The following MTRF1 variants were observed in gnomAD, a reference collection of about 807,000 sequenced individuals.
MTRF1 encodes the protein peptide chain release factor 1, mitochondrial.
A neutral mutation model predicts 62.9 loss-of-function variants in MTRF1; 51 were observed. The ratio of observed to expected loss-of-function variants is 0.81; its 90% CI spans 0.65 to 1.02. MTRF1 has a LOEUF of 1.02. MTRF1 is among the 50% of genes least tolerant of loss of function. The pLI is 0.00. For synonymous variants in MTRF1, 158 were observed against 181.9 expected (o/e 0.87, Z 1.06); for missense variants, 446 against 530.0 (o/e 0.84, Z 1.56).
chr13:41,218,311 G>A lies in MTRF1; in HGVS notation c.1225-1083C>T, dbSNP rs982338887. 5.3e-3 allele frequency among the ~76,000 whole-genome samples: 334 copies of A among 62,906 alleles called. 5 individuals carry two copies. Among genetic ancestry groups the A allele is most frequent in the Non-Finnish European group, 2.5e-3 (76 of 30,758 alleles). The allele number at this position is 62,906 out of a possible 152,430, so 41.3% of individuals were successfully genotyped here. A position where few individuals can be genotyped will look rare whatever the true frequency, so the allele number is the denominator to read the frequency against. On this transcript the variant is annotated intron_variant, in intron 9 of 9. Coordinates refer to ENST00000379480, the MANE Select transcript of MTRF1 (RefSeq NM_004294.4). Reference sequence around the variant, plus strand: ...TTTTTTTTTTTTTTTTTTTTTTTTTGTAGAGATAGGATTTTGCCATGCTGC... The same window carrying A: ...TTTTTTTTTTTTTTTTTTTTTTTTTATAGAGATAGGATTTTGCCATGCTGC...
At position 41,226,322 on chromosome 13, in the gene MTRF1, T is replaced by A. The variant is rs897768074; in HGVS notation, c.1125+110A>T. ...CTGCTTATTTACAAAGGAGCACATT[T>A]CTCTATGCTCTAAAACATTCCCATT... On this transcript the variant is annotated intron_variant, in intron 8 of 9. Transcript: ENST00000379480. The A allele has an allele frequency of 7.1e-6, 8 of 1,129,408 alleles. No homozygotes were observed. The African/African-American group carries it at 1.2e-4, about 18-fold the overall frequency. 70.0% of individuals were successfully genotyped at this position (1,129,408 alleles called of 1,614,324 possible). A position where few individuals can be genotyped will look rare whatever the true frequency, so the allele number is the denominator to read the frequency against.
intron 2 of MTRF1, among the ~76,000 whole-genome samples, chr13:41,258,193 A>C (rs1594039032): frequency 6.6e-6 from 1 of 152,224 alleles, no homozygotes; most frequent in East Asian, 1.9e-4. Context: ...CATCAATAGA[A>C]GGCAGAAAAA....
At chr13:41,261,168 T>C (rs1240756491) in intron 1 of MTRF1, among the ~76,000 whole-genome samples, 1 of 152,106 alleles carries the variant, frequency 6.6e-6, no homozygotes, top group African/African-American at 2.4e-5. Flanking sequence ...ACACTGTCTC[T>C]ACTAAAAATA....
chr13:41,244,692 G>A (rs1187508612), intron 5 of MTRF1, among the ~76,000 whole-genome samples: 1 of 152,168 alleles, frequency 6.6e-6, no homozygotes, highest in Non-Finnish European at 1.5e-5. Context: ...GCTATGTTGG[G>A]AATAGCCCTG....
chr13:41,296,076 T>C, the MTRF1 span, among the ~76,000 whole-genome samples: 5 of 152,304 alleles, frequency 3.3e-5, no homozygotes, highest in Admixed American at 2.0e-4. Flanking sequence ...CCTGAGTAGC[T>C]AGGACTACAG....
intron 8 of MTRF1, among the ~76,000 whole-genome samples, chr13:41,225,489 A>T (rs2034235472): frequency 6.6e-6 from 1 of 152,208 alleles, no homozygotes; most frequent in Non-Finnish European, 1.5e-5. Flanking sequence ...AATATTATTT[A>T]TCCTGTCACT....
At chr13:41,271,379 A>G in the MTRF1 span, among the ~76,000 whole-genome samples, 1 of 152,160 alleles carries the variant, frequency 6.6e-6, no homozygotes, top group Non-Finnish European at 1.5e-5. Flanking sequence ...AGAATGCTCA[A>G]AAGGGGGTCA....
At chr13:41,301,523 G>A in the MTRF1 span, among the ~76,000 whole-genome samples, 14 of 152,122 alleles carry the variant, frequency 9.2e-5, no homozygotes, top group Non-Finnish European at 1.8e-4. Flanking sequence ...TGAGGTGGAC[G>A]GATCACCTGA....
At chr13:41,273,538 GA>G in the MTRF1 span, among the ~76,000 whole-genome samples, 1 of 152,110 alleles carries the variant, frequency 6.6e-6, no homozygotes, top group African/African-American at 2.4e-5. Flanking sequence ...ATGTTTTAGG[GA>G]GACATGAGAC....
the MTRF1 span, among the ~76,000 whole-genome samples, chr13:41,301,059 C>G: frequency 6.6e-6 from 1 of 152,096 alleles, no homozygotes; most frequent in East Asian, 1.9e-4. Context: ...TAAGAAATAG[C>G]AAATTGCATA....
intron 9 of MTRF1, chr13:41,220,767 T>A: frequency 2.4e-6 from 1 of 415,202 alleles, no homozygotes. Context: ...TCTTGGTGGC[T>A]GAAAATGTGG....
the MTRF1 span, chr13:41,311,534 G>C: frequency 6.2e-7 from 1 of 1,604,950 alleles, no homozygotes; most frequent in Non-Finnish European, 8.5e-7. Context: ...CCACGATGCC[G>C]AACGTGCTGC....
At chr13:41,217,811 G>A (rs535962557) in intron 9 of MTRF1, among the ~76,000 whole-genome samples, 4 of 152,258 alleles carry the variant, frequency 2.6e-5, no homozygotes, top group South Asian at 4.1e-4. Flanking sequence ...AGCCTCCCCC[G>A]ACCATTCAAG....
chr13:41,253,589 C>G (rs764213117), intron 3 of MTRF1, among the ~76,000 whole-genome samples: 2 of 152,048 alleles, frequency 1.3e-5, no homozygotes, highest in African/African-American at 2.4e-5. Context: ...AGAAAGTAAC[C>G]GACATTCCTC....
chr13:41,244,946 C>A (rs1824713397), intron 5 of MTRF1, among the ~76,000 whole-genome samples: 1 of 152,164 alleles, frequency 6.6e-6, no homozygotes, highest in South Asian at 2.1e-4. Flanking sequence ...TGTTACACAG[C>A]AATAAATAAC....
At chr13:41,284,855 T>C in the MTRF1 span, among the ~76,000 whole-genome samples, 3 of 152,180 alleles carry the variant, frequency 2.0e-5, no homozygotes, top group Admixed American at 6.5e-5. Flanking sequence ...GATTTCACCA[T>C]GTTGGCCCGG....
At chr13:41,269,230 A>T in the MTRF1 span, among the ~76,000 whole-genome samples, 88 of 18,644 alleles carry the variant, frequency 4.7e-3, no homozygotes, top group East Asian at 7.6e-3. Context: ...ATGGAGTTTT[A>T]CTCTTTTCAC....
At chr13:41,240,220 T>C (rs2037296382) in intron 6 of MTRF1, 41 bp downstream of exon 6, 2 of 1,548,314 alleles carry the variant, frequency 1.3e-6, no homozygotes, top group Non-Finnish European at 1.7e-6. Context: ...ACAATACCCG[T>C]TGACATGGAG....
chr13:41,220,048 T>TG (rs1375026141), intron 9 of MTRF1, among the ~76,000 whole-genome samples: 1 of 141,406 alleles, frequency 7.1e-6, no homozygotes, highest in Non-Finnish European at 1.5e-5. Flanking sequence ...GGAAAACTGC[T>TG]GGGGGCGCGG....
Sources: gnomAD v4.1 joint callset for allele counts (sites outside exome capture counted in the v4.1 genomes callset) on GRCh38, gnomAD v4.1.1 for gene constraint, MANE v1.5 for transcripts, NCBI Gene and HGNC (gene_info 2026-07-23, HGNC 2026-07-21) for gene names.